Variants in SLC5A12 observed in about 807,000 individuals in gnomAD.
The protein encoded by SLC5A12 is solute carrier family 5 member 12.
SLC5A12 carries 46 observed loss-of-function variants against 72.7 expected under a neutral mutation model. That is an observed-to-expected ratio of 0.63 (90% CI 0.50 to 0.81). The LOEUF is 0.81. Among genes scored for constraint, SLC5A12 ranks in the 30% least tolerant of loss-of-function variants. The pLI is 0.00. For missense variants in SLC5A12, 683 were observed against 740.7 expected, an observed-to-expected ratio of 0.92 and a Z score of 0.90; for synonymous variants, 275 against 264.4, an observed-to-expected ratio of 1.04 and a Z score of -0.39.
chr11:26,693,173 T>A (rs1184198878), intron 8 of SLC5A12, among the ~76,000 whole-genome samples: 5 of 152,208 alleles, frequency 3.3e-5, no homozygotes, highest in African/African-American at 1.2e-4. Flanking sequence ...TGTAAGAACA[T>A]ACAGAGACCT....
At chr11:26,688,604 T>C (rs977740793) in intron 9 of SLC5A12, among the ~76,000 whole-genome samples, 3 of 152,206 alleles carry the variant, frequency 2.0e-5, no homozygotes, top group Non-Finnish European at 4.4e-5. Context: ...GTATTCTTTC[T>C]GCAAATAATT....
intron 9 of SLC5A12, among the ~76,000 whole-genome samples, chr11:26,690,590 C>G (rs954179842): frequency 6.8e-6 from 1 of 147,262 alleles, no homozygotes; most frequent in African/African-American, 2.5e-5. Flanking sequence ...GCCGGGGGAT[C>G]ACCTGAGGTT....
At chr11:26,718,274 T>G (rs2133225712) in intron 1 of SLC5A12, among the ~76,000 whole-genome samples, 1 of 152,292 alleles carries the variant, frequency 6.6e-6, no homozygotes, top group East Asian at 1.9e-4. Context: ...TTAAAAGTAT[T>G]TGTATACAAT....
intron 13 of SLC5A12, among the ~76,000 whole-genome samples, chr11:26,677,199 T>TA (rs1251500106): frequency 6.6e-6 from 1 of 152,182 alleles, no homozygotes; most frequent in African/African-American, 2.4e-5. Context: ...TAGACTTTGT[T>TA]AGAGTGTTCG....
rs148889144 is a variant in SLC5A12, at chr11:26,690,854, T to C, written c.1153+1635A>G. Among the ~76,000 whole-genome samples the C allele has an allele frequency of 5.3e-3, 798 of 151,448 alleles. 4 individuals are homozygous for C. The highest frequency in any genetic ancestry group is 8.3e-3 in the Non-Finnish European group (565 of 67,846). On this transcript the variant is annotated intron_variant, in intron 9 of 14. Transcript: ENST00000396005. ...ATAAATCAAATAAATAATTTAGATA[T>C]ACTGAATATAAAATATAAAAGTACT...
At chr11:26,680,047 CGAGA>C (rs924554759) in intron 12 of SLC5A12, among the ~76,000 whole-genome samples, 2 of 151,480 alleles carry the variant, frequency 1.3e-5, no homozygotes, top group Non-Finnish European at 2.9e-5. Flanking sequence ...TATGCCGGAC[CGAGA>C]GAGACTTTCA....
At position 26,721,561 on chromosome 11, in the gene SLC5A12, G is replaced by T; in HGVS notation, c.154C>A (p.Pro52Thr). 6.2e-7 allele frequency: 1 copy of T among 1,614,086 alleles called. No individual in the cohort carries two copies. The highest frequency in any genetic ancestry group is 8.5e-7 in the Non-Finnish European group (1 of 1,180,028). The change falls in exon 1 of 15, where the codon CCT becomes ACT. Residue 52 changes from proline (P) to threonine (T), a missense_variant. Coordinates refer to ENST00000396005, the MANE Select transcript of SLC5A12 (RefSeq NM_178498.4). ...LVGGRQMSFG[P>T]VGLSLTASFM... Reference sequence around the variant, plus strand: ...CTGGCTGTCAGAGACAAGCCGACAGGGCCAAAGCTCATTTGCCTTCCCCCA... The same window carrying T: ...CTGGCTGTCAGAGACAAGCCGACAGTGCCAAAGCTCATTTGCCTTCCCCCA...
chr11:26,719,991 T>C (rs1479609921), intron 1 of SLC5A12, among the ~76,000 whole-genome samples: 1 of 152,210 alleles, frequency 6.6e-6, no homozygotes, highest in African/African-American at 2.4e-5. Flanking sequence ...TGACAGTACC[T>C]GTCTAAAAAA....
chr11:26,720,605 C>T (rs1383472831), intron 1 of SLC5A12, among the ~76,000 whole-genome samples: 1 of 151,880 alleles, frequency 6.6e-6, no homozygotes, highest in Non-Finnish European at 1.5e-5. Flanking sequence ...CCTGCAGTGA[C>T]TTTAGGAATG....
At position 26,681,077 on chromosome 11, in the gene SLC5A12, C is replaced by T. The variant is rs375367629; in HGVS notation, c.1453G>A (p.Gly485Arg). The T allele has an allele frequency of 1.3e-5, 21 of 1,608,036 alleles. No individual in the cohort carries two copies. The highest frequency in any genetic ancestry group is 1.7e-5 in the Non-Finnish European group (20 of 1,177,008). ...QCIKSNVTAT[G>R]PPVLSSRPGI... ...TACCTGCTGGATAGTACTGGAGGCCCTGTTGCTGTCACATTTGATTTGATA... is the reference window on the plus strand; with the variant it reads ...TACCTGCTGGATAGTACTGGAGGCCTTGTTGCTGTCACATTTGATTTGATA... The change falls in exon 12 of 15, where the codon GGG becomes AGG. Residue 485 changes from glycine to arginine, a missense_variant. Gly to Arg is a moderately radical substitution (Grantham distance 125). Coordinates refer to ENST00000396005, the MANE Select transcript of SLC5A12 (RefSeq NM_178498.4).
At position 26,711,297 on chromosome 11, in the gene SLC5A12, G is replaced by C; in HGVS notation, c.457+10C>G. The stretch of plus-strand genomic sequence containing the variant: ...TGGTAAAATATGCCAAGAGAATGCT[G>C]ATAACTCACCTTGATTGAGTGCCAG... On this transcript the variant is annotated intron_variant, in intron 3 of 14. Transcript: ENST00000396005. 6.2e-7 allele frequency: 1 copy of C among 1,609,752 alleles called. No individual in the cohort carries two copies. The highest frequency in any genetic ancestry group is 8.5e-7 in the Non-Finnish European group (1 of 1,176,752).
At chr11:26,679,805 T>C (rs1854349158) in intron 12 of SLC5A12, among the ~76,000 whole-genome samples, 1 of 152,092 alleles carries the variant, frequency 6.6e-6, no homozygotes, top group Admixed American at 6.6e-5. Context: ...TGTGTTTTAT[T>C]CCATAAGCAC....
At chr11:26,697,070 C>T in intron 8 of SLC5A12, 94 bp downstream of exon 8, 1 of 1,053,826 alleles carries the variant, frequency 9.5e-7, no homozygotes, top group South Asian at 1.4e-5. Flanking sequence ...TCAGTTTACA[C>T]ACAGTGAGTG....
intron 14 of SLC5A12, among the ~76,000 whole-genome samples, chr11:26,671,986 TC>T (rs1359750720): frequency 6.6e-6 from 1 of 152,146 alleles, no homozygotes; most frequent in Non-Finnish European, 1.5e-5. Flanking sequence ...TCCTTGCTTA[TC>T]AAGCCACTGT....
chr11:26,713,215 A>G (rs1297487269), intron 1 of SLC5A12, among the ~76,000 whole-genome samples: 1 of 152,086 alleles, frequency 6.6e-6, no homozygotes, highest in African/African-American at 2.4e-5. Context: ...ACAATTCTCT[A>G]TCATTGACAA....
intron 9 of SLC5A12, 66 bp from the exon 10 acceptor site, chr11:26,686,610 G>T: frequency 7.2e-7 from 1 of 1,392,486 alleles, no homozygotes; most frequent in Non-Finnish European, 1.0e-6. Flanking sequence ...GATGCCTTGA[G>T]CCCCCACTCA....
upstream of SLC5A12, chr11:26,723,341 T>C (rs1855513822): frequency 6.6e-6 from 1 of 150,792 alleles, no homozygotes; most frequent in Non-Finnish European, 1.5e-5. Flanking sequence ...AAGAGCTGTC[T>C]GTGTCCTCTG....
chr11:26,684,343 T>C (rs1471917118), intron 10 of SLC5A12, among the ~76,000 whole-genome samples: 1 of 152,092 alleles, frequency 6.6e-6, no homozygotes, highest in Non-Finnish European at 1.5e-5. Flanking sequence ...ATACTTAAGT[T>C]AATATTCTTG....
chr11:26,697,118 G>A (rs1478254500), intron 8 of SLC5A12, 46 bp downstream of exon 8: 2 of 1,502,126 alleles, frequency 1.3e-6, no homozygotes, highest in Admixed American at 1.7e-5. Context: ...CATCATCCTT[G>A]TTATCCTTTC....
Sources: allele counts gnomAD v4.1 joint callset (sites outside exome capture counted in the v4.1 genomes callset), GRCh38; gene constraint gnomAD v4.1.1; transcripts MANE v1.5; gene names NCBI Gene and HGNC (gene_info 2026-07-23, HGNC 2026-07-21).